The following LRRN2 variants were observed in gnomAD, a reference collection of about 807,000 sequenced individuals.
LRRN2 encodes leucine-rich repeat neuronal protein 2.
A neutral mutation model predicts 35.7 loss-of-function variants in LRRN2; 10 were observed. That is an observed-to-expected ratio of 0.28 (90% confidence interval 0.17 to 0.47). The LOEUF (loss-of-function observed/expected upper bound fraction) is 0.47. Ranked by LOEUF, LRRN2 falls within the 20% of genes least tolerant of loss-of-function variation. The pLI is 0.99. For missense variants in LRRN2, 731 were observed against 940.3 expected, an observed-to-expected ratio of 0.78 and a Z score of 2.91; for synonymous variants, 391 against 409.6, an observed-to-expected ratio of 0.95 and a Z score of 0.55.
chr1:204,680,385 G>A (rs1668921715), intron 1 of LRRN2, among the ~76,000 whole-genome samples: 1 of 152,178 alleles, frequency 6.6e-6, no homozygotes, highest in Non-Finnish European at 1.5e-5. Context: ...ACTCGCTTCA[G>A]GTCCATCAAA....
intron 1 of LRRN2, chr1:204,629,442 A>G (rs898961783): frequency 1.4e-4 from 22 of 152,812 alleles, no homozygotes; most frequent in Admixed American, 1.2e-3. Flanking sequence ...TCCCCACCCA[A>G]ATCGCCTCTT....
chr1:204,638,372 C>T (rs1667890085), intron 1 of LRRN2, among the ~76,000 whole-genome samples: 1 of 138,384 alleles, frequency 7.2e-6, no homozygotes, highest in Non-Finnish European at 1.5e-5. Context: ...CTGAGGCTTA[C>T]AGATGTGAAG....
chr1:204,638,402 CTTTTTT>C lies in LRRN2; in HGVS notation c.-226-18190_-226-18185del, dbSNP rs971289134. On this transcript the variant is annotated intron_variant, in intron 1 of 1. Transcript: ENST00000367177. ...GTGAAGTAACTTGCCCAAGGTCTTC[CTTTTTT>C]TTTTTTTTTTTTTTTTTTTTTGAGA... Among the ~76,000 whole-genome samples, 1,036 of 71,614 alleles carry C rather than the reference CTTTTTT, an allele frequency of 0.014. 18 individuals carry two copies. In the East Asian group the frequency reaches 0.17, roughly 12 times the overall value. 47.0% of individuals were successfully genotyped at this position (71,614 alleles called of 152,430 possible). A position where few individuals can be genotyped will look rare whatever the true frequency, so the allele number is the denominator to read the frequency against.
chr1:204,679,733 A>G (rs1668904576), intron 1 of LRRN2, among the ~76,000 whole-genome samples: 1 of 152,212 alleles, frequency 6.6e-6, no homozygotes, highest in South Asian at 2.1e-4. Flanking sequence ...CCACCCTTGC[A>G]TTGGTTCCCA....
intron 1 of LRRN2, among the ~76,000 whole-genome samples, chr1:204,646,203 C>T (rs1262434819): frequency 2.6e-5 from 4 of 152,082 alleles, no homozygotes; most frequent in African/African-American, 9.7e-5. Flanking sequence ...GGGCGTGGAC[C>T]AGGCTGCCTG....
At chr1:204,632,964 C>T (rs1667747400) in intron 1 of LRRN2, among the ~76,000 whole-genome samples, 1 of 151,940 alleles carries the variant, frequency 6.6e-6, no homozygotes, top group Admixed American at 6.6e-5. Flanking sequence ...TCTGTATTCA[C>T]AATCCTATGT....
chr1:204,652,243 G>C (rs2492986), intron 1 of LRRN2, among the ~76,000 whole-genome samples: 4 of 121,666 alleles, frequency 3.3e-5, no homozygotes, highest in Non-Finnish European at 5.0e-5. Flanking sequence ...TCTCCCCTTC[G>C]CCCTCTCCTC....
At chr1:204,655,704 T>C (rs1047935529) in intron 1 of LRRN2, among the ~76,000 whole-genome samples, 2 of 151,972 alleles carry the variant, frequency 1.3e-5, no homozygotes, top group Non-Finnish European at 2.9e-5. Context: ...TGGGAATAGA[T>C]ACAAGATGAA....
intron 1 of LRRN2, among the ~76,000 whole-genome samples, chr1:204,648,876 C>A (rs10900419): frequency 0.43 from 64,756 of 151,984 alleles, 15,424 homozygotes; most frequent in Admixed American, 0.52. Context: ...GTGGCAGGCC[C>A]AGACAGAGAT....
At chr1:204,652,779 T>C (rs181330555) in intron 1 of LRRN2, among the ~76,000 whole-genome samples, 12 of 152,314 alleles carry the variant, frequency 7.9e-5, no homozygotes, top group African/African-American at 2.6e-4. Flanking sequence ...ACCTGCAGAT[T>C]GAACAGCTTC....
intron 1 of LRRN2, among the ~76,000 whole-genome samples, chr1:204,671,053 T>A (rs1668699253): frequency 1.3e-5 from 2 of 152,052 alleles, no homozygotes; most frequent in African/African-American, 4.8e-5. Context: ...GGAGAGGACC[T>A]AGAACATGGG....
At chr1:204,643,785 G>T (rs1448269476) in intron 1 of LRRN2, among the ~76,000 whole-genome samples, 1 of 152,084 alleles carries the variant, frequency 6.6e-6, no homozygotes, top group Admixed American at 6.6e-5. Context: ...GGGGCTAGAG[G>T]AAGATCAGCC....
intron 1 of LRRN2, among the ~76,000 whole-genome samples, chr1:204,658,948 A>G (rs1337565796): frequency 6.6e-6 from 1 of 152,194 alleles, no homozygotes; most frequent in Non-Finnish European, 1.5e-5. Context: ...CTGTCATTCA[A>G]AAGTGGCAGT....
At chr1:204,638,699 C>T (rs962786599) in intron 1 of LRRN2, among the ~76,000 whole-genome samples, 12 of 152,138 alleles carry the variant, frequency 7.9e-5, no homozygotes, top group Non-Finnish European at 1.3e-4. Context: ...CGTGAGCCAC[C>T]GCGCCCGGCC....
intron 1 of LRRN2, among the ~76,000 whole-genome samples, chr1:204,650,222 C>T (rs1668194278): frequency 6.6e-6 from 1 of 152,216 alleles, no homozygotes; most frequent in South Asian, 2.1e-4. Context: ...ATCACTTAGC[C>T]CTCATTAGTC....
Position 204,620,131 on chromosome 1 carries a change from ACTT to A in LRRN2, c.-142_-140del. The A allele has an allele frequency of 6.8e-7, 1 of 1,464,388 alleles. No individual in the cohort carries two copies. The allele number at this position is 1,464,388 out of a possible 1,614,324, so 90.7% of individuals were successfully genotyped here. On this transcript the variant is annotated 5_prime_UTR_variant, in exon 2 of 2. Coordinates refer to ENST00000367177, the MANE Select transcript of LRRN2 (RefSeq NM_201630.2). The stretch of plus-strand genomic sequence containing the variant: ...GGGCAGTCATTCTACACCGGGCGTC[ACTT>A]CTTGCCCTCCTCAATATGCCTTCTC...
chr1:204,627,836 C>T (rs935045502), intron 1 of LRRN2, among the ~76,000 whole-genome samples: 3 of 152,198 alleles, frequency 2.0e-5, no homozygotes, highest in Non-Finnish European at 2.9e-5. Context: ...GCTGTCTCCC[C>T]GACCAGACTG....
chr1:204,665,569 G>C (rs1480501901), intron 1 of LRRN2, among the ~76,000 whole-genome samples: 1 of 152,184 alleles, frequency 6.6e-6, no homozygotes, highest in Non-Finnish European at 1.5e-5. Context: ...CAAAACCATG[G>C]GTTCCCCTTG....
At position 204,677,841 on chromosome 1, in the gene LRRN2, T is replaced by C. The variant is rs537870340; in HGVS notation, c.-227+7479A>G. Among the ~76,000 whole-genome samples the C allele has an allele frequency of 4.6e-5, 7 of 152,254 alleles. No individual in the cohort carries two copies. The East Asian group carries it at 1.3e-3, about 29-fold the overall frequency. The stretch of plus-strand genomic sequence containing the variant: ...TGGAAAGGGTGGCTTTCCGTGTCTC[T>C]GGAAAGAGTACAGGGGGCATTGGAA... On this transcript the variant is annotated intron_variant, in intron 1 of 1. Transcript: ENST00000367177.
Sources: allele counts gnomAD v4.1 joint callset (sites outside exome capture counted in the v4.1 genomes callset), GRCh38; gene constraint gnomAD v4.1.1; transcripts MANE v1.5; gene names NCBI Gene and HGNC (gene_info 2026-07-23, HGNC 2026-07-21).